Variants in TBL1XR1 observed in about 807,000 individuals in gnomAD.
The protein encoded by TBL1XR1 is F-box-like/WD repeat-containing protein TBL1XR1.
TBL1XR1 carries 5 observed loss-of-function variants against 66.9 expected under a neutral mutation model. The observed-to-expected ratio is 0.07, with a 90% CI of 0.04 to 0.16. TBL1XR1 has a LOEUF of 0.16. Ranked by LOEUF, TBL1XR1 falls within the 10% of genes least tolerant of loss-of-function variation. The pLI is 1.00. For synonymous variants in TBL1XR1, 210 were observed against 206.0 expected, an observed-to-expected ratio of 1.02 and a Z score of -0.17; for missense variants, 238 against 623.2, an observed-to-expected ratio of 0.38 and a Z score of 6.58.
chr3:177,144,423 G>C (rs879331838), intron 1 of TBL1XR1, among the ~76,000 whole-genome samples: 2 of 152,134 alleles, frequency 1.3e-5, no homozygotes, highest in Non-Finnish European at 2.9e-5. Flanking sequence ...AAAGGTCTCT[G>C]TTGCAACTAC....
intron 1 of TBL1XR1, among the ~76,000 whole-genome samples, chr3:177,136,750 A>AACT (rs1440577647): frequency 6.6e-6 from 1 of 152,144 alleles, no homozygotes; most frequent in Non-Finnish European, 1.5e-5. Context: ...TGTGCCCTAA[A>AACT]ACTACAGTGT....
intron 12 of TBL1XR1, 163 bp downstream of exon 12, chr3:177,037,935 A>G: frequency 1.7e-6 from 1 of 588,100 alleles, no homozygotes; most frequent in Non-Finnish European, 3.0e-6. Context: ...CAGAAAAGAA[A>G]CTATAAAATT....
Position 177,050,577 on chromosome 3 carries a change from T to A in TBL1XR1, c.461A>T (p.Asp154Val). The A allele has an allele frequency of 1.2e-6, 2 of 1,613,766 alleles. No individual in the cohort carries two copies. Among genetic ancestry groups the A allele is most frequent in the Non-Finnish European group, 1.7e-6 (2 of 1,179,790 alleles). ...NHTDMMEVDG[D>V]VEIPPNKAVV... ...AGCTTTATTAGGAGGGATTTCAACA[T>A]CCCCATCCACTTCCATCATATCAGT... The change falls in exon 6 of 16, where the codon GAT becomes GTT. Residue 154 changes from aspartate to valine, a missense_variant. Coordinates refer to ENST00000457928, the MANE Select transcript of TBL1XR1 (RefSeq NM_024665.7).
upstream of TBL1XR1, among the ~76,000 whole-genome samples, chr3:177,200,077 A>G (rs1323697080): frequency 6.6e-6 from 1 of 151,856 alleles, no homozygotes; most frequent in East Asian, 1.9e-4. Context: ...GGTTCAAGCG[A>G]TTCTCCTGTC....
chr3:177,181,837 A>C (rs1577409503), intron 1 of TBL1XR1, among the ~76,000 whole-genome samples: 2 of 47,758 alleles, frequency 4.2e-5, no homozygotes, highest in Non-Finnish European at 7.8e-5. Context: ...AAAAAAAAAA[A>C]CACACACATG....
chr3:177,172,616 C>G (rs1049050989), intron 1 of TBL1XR1, among the ~76,000 whole-genome samples: 4 of 120,742 alleles, frequency 3.3e-5, no homozygotes, highest in African/African-American at 1.3e-4. Flanking sequence ...GCAAGACCCT[C>G]ATCTCAAGAA....
chr3:177,053,724 G>A (rs775666880), intron 4 of TBL1XR1, 49 bp downstream of exon 4: 36 of 1,542,006 alleles, frequency 2.3e-5, no homozygotes, highest in Middle Eastern at 2.3e-4. Context: ...CTGACTTAAC[G>A]GCATATTTAA....
chr3:177,135,338 C>CATATATATATATATAT (rs1177634107), intron 1 of TBL1XR1, among the ~76,000 whole-genome samples: 1 of 22,476 alleles, frequency 4.4e-5, no homozygotes, highest in African/African-American at 1.7e-4. Flanking sequence ...TGTGTGTATA[C>CATATATATATATATAT]ATATATATAT....
intron 1 of TBL1XR1, chr3:177,131,354 C>T: frequency 1.0e-6 from 1 of 985,336 alleles, no homozygotes; most frequent in African/African-American, 1.7e-5. Context: ...GAAAGAGAAT[C>T]ACACTCACTT....
At chr3:177,121,836 T>C (rs1248586411) in intron 1 of TBL1XR1, among the ~76,000 whole-genome samples, 1 of 152,090 alleles carries the variant, frequency 6.6e-6, no homozygotes. Flanking sequence ...GTTTAGAATG[T>C]TCTTAGCTAA....
intron 1 of TBL1XR1, among the ~76,000 whole-genome samples, chr3:177,180,411 C>A (rs1734681883): frequency 7.5e-6 from 1 of 133,354 alleles, no homozygotes; most frequent in Non-Finnish European, 1.6e-5. Flanking sequence ...TCTGTTTTAA[C>A]AACATTCAGA....
intron 1 of TBL1XR1, among the ~76,000 whole-genome samples, chr3:177,164,695 A>T (rs1732617728): frequency 6.6e-6 from 1 of 152,206 alleles, no homozygotes; most frequent in Non-Finnish European, 1.5e-5. Context: ...TATACAAATA[A>T]ATGGAAAGAT....
In TBL1XR1 at chr3:177,082,822, C is replaced by T. The variant is rs1721601405; in HGVS notation, c.-46+15644G>A. On this transcript the variant is annotated intron_variant, in intron 2 of 15. Coordinates refer to ENST00000457928, the MANE Select transcript of TBL1XR1 (RefSeq NM_024665.7). ...CCAGGCTGACGGGCAGTGGCACCAT[C>T]TGGGCTCACTGCAAGCTCCACCTCC... is the stretch of plus-strand genomic sequence containing the variant. Among the ~76,000 whole-genome samples, 3 of 144,110 alleles carry T rather than the reference C, an allele frequency of 2.1e-5. No individual in the cohort carries two copies. In the South Asian group the frequency reaches 6.7e-4, roughly 32 times the overall value. 94.5% of individuals were successfully genotyped at this position (144,110 alleles called of 152,430 possible).
At chr3:177,079,528 ACT>A (rs1721139395) in intron 2 of TBL1XR1, 1 of 151,738 alleles carries the variant, frequency 6.6e-6, no homozygotes, top group Non-Finnish European at 1.5e-5. Context: ...TAAATGTAAC[ACT>A]CTACAAATAA....
intron 2 of TBL1XR1, among the ~76,000 whole-genome samples, chr3:177,071,060 T>G (rs1719934540): frequency 7.4e-6 from 1 of 135,038 alleles, no homozygotes; most frequent in African/African-American, 2.8e-5. Context: ...AGACAGAGTT[T>G]TGCTCTGTTG....
chr3:177,200,036 A>G (rs1737310262), upstream of TBL1XR1, among the ~76,000 whole-genome samples: 1 of 151,838 alleles, frequency 6.6e-6, no homozygotes, highest in Non-Finnish European at 1.5e-5. Context: ...GCAATGGCGG[A>G]ATGTCGGCTC....
At chr3:177,031,962 G>T (rs903555483) in intron 14 of TBL1XR1, among the ~76,000 whole-genome samples, 2 of 151,888 alleles carry the variant, frequency 1.3e-5, no homozygotes, top group Admixed American at 6.6e-5. Context: ...TGATCAAACA[G>T]TTCACAGAAA....
chr3:177,088,713 A>G (rs1479083733), intron 2 of TBL1XR1, among the ~76,000 whole-genome samples: 2 of 137,826 alleles, frequency 1.5e-5, no homozygotes, highest in Non-Finnish European at 3.2e-5. Flanking sequence ...ATTTGTTTAA[A>G]AAAAAAAAAA....
intron 2 of TBL1XR1, among the ~76,000 whole-genome samples, chr3:177,082,527 G>T (rs914153519): frequency 2.6e-5 from 4 of 151,148 alleles, no homozygotes; most frequent in Admixed American, 2.0e-4. Context: ...ATAACTATCA[G>T]ATTAACTTTC....
Sources: gnomAD v4.1 joint callset for allele counts (sites outside exome capture counted in the v4.1 genomes callset) on GRCh38, gnomAD v4.1.1 for gene constraint, MANE v1.5 for transcripts, NCBI Gene and HGNC (gene_info 2026-07-23, HGNC 2026-07-21) for gene names.